The following HOOK1 variants were observed in gnomAD, a reference collection of about 807,000 sequenced individuals.
HOOK1 encodes protein Hook homolog 1.
HOOK1 carries 60 observed loss-of-function variants against 112.8 expected under a neutral mutation model. The ratio of observed to expected loss-of-function variants is 0.53; its 90% CI spans 0.43 to 0.66. The LOEUF is 0.66. Ranked by LOEUF, HOOK1 falls within the 30% of genes least tolerant of loss-of-function variation. HOOK1 has a pLI of 0.00. For synonymous variants in HOOK1, 294 were observed against 283.8 expected (o/e 1.04, Z -0.36); for missense variants, 770 against 856.0 (o/e 0.90, Z 1.25).
At chr1:59,838,476 C>CAATATT (rs2098399205) in intron 7 of HOOK1, among the ~76,000 whole-genome samples, 1 of 151,994 alleles carries the variant, frequency 6.6e-6, no homozygotes, top group Admixed American at 6.6e-5. Flanking sequence ...TATGTCCGTT[C>CAATATT]GCTGCATAAA....
At chr1:59,825,807 A>G (rs528211678) in intron 2 of HOOK1, among the ~76,000 whole-genome samples, 6 of 152,336 alleles carry the variant, frequency 3.9e-5, no homozygotes, top group African/African-American at 1.2e-4. Flanking sequence ...TCAGTTGTGT[A>G]TAAAGTATAG....
At chr1:59,845,131 G>C (rs1023172614) in intron 9 of HOOK1, among the ~76,000 whole-genome samples, 1 of 152,016 alleles carries the variant, frequency 6.6e-6, no homozygotes, top group South Asian at 2.1e-4. Context: ...TTCAGTGTCT[G>C]TTTGAGGGAT....
chr1:59,832,477 T>A (rs3768001), intron 4 of HOOK1, among the ~76,000 whole-genome samples: 7,268 of 152,202 alleles, frequency 0.048, 408 homozygotes, highest in African/African-American at 0.13. Context: ...TATATTTGAT[T>A]TTGTGCAATA....
chr1:59,852,746 G>A (rs1289042049), intron 12 of HOOK1, among the ~76,000 whole-genome samples: 1 of 150,226 alleles, frequency 6.7e-6, no homozygotes, highest in African/African-American at 2.4e-5. Flanking sequence ...TATTGATTTG[G>A]AATTTTTCTT....
intron 7 of HOOK1, among the ~76,000 whole-genome samples, chr1:59,837,730 T>C (rs2098398669): frequency 6.6e-6 from 1 of 152,184 alleles, no homozygotes; most frequent in African/African-American, 2.4e-5. Context: ...AGTTCTGGGT[T>C]ACATGTGCAG....
chr1:59,823,941 C>A (rs761071474), intron 2 of HOOK1, among the ~76,000 whole-genome samples: 15 of 152,214 alleles, frequency 9.9e-5, no homozygotes, highest in Non-Finnish European at 2.1e-4. Flanking sequence ...AAATATCTCT[C>A]TCTTTCTCTC....
intron 2 of HOOK1, among the ~76,000 whole-genome samples, chr1:59,828,172 T>C (rs2098391304): frequency 6.6e-6 from 1 of 152,204 alleles, no homozygotes; most frequent in South Asian, 2.1e-4. Flanking sequence ...TTCAAAACCT[T>C]ATTAAATACA....
intron 18 of HOOK1, 46 bp downstream of exon 18, chr1:59,865,291 A>C (rs775134625): frequency 1.3e-5 from 15 of 1,169,782 alleles, no homozygotes; most frequent in African/African-American, 3.0e-5. Flanking sequence ...ATATCTAAGG[A>C]CTTACCCTTT....
chr1:59,841,740 C>G (rs899668577), intron 8 of HOOK1, among the ~76,000 whole-genome samples: 4 of 152,054 alleles, frequency 2.6e-5, no homozygotes, highest in African/African-American at 9.7e-5. Flanking sequence ...TAGGTACAGT[C>G]TTCTGAGAAA....
intron 20 of HOOK1, 90 bp from the exon 21 acceptor site, chr1:59,870,952 T>C: frequency 1.2e-6 from 1 of 854,898 alleles, no homozygotes; most frequent in Non-Finnish European, 1.9e-6. Context: ...TTAGATTCTC[T>C]CAATAATGAA....
chr1:59,872,176 G>C (rs1644065257), intron 21 of HOOK1, among the ~76,000 whole-genome samples: 1 of 152,172 alleles, frequency 6.6e-6, no homozygotes. Context: ...ATGTGGTCTA[G>C]TGGGAGAGTA....
intron 1 of HOOK1, among the ~76,000 whole-genome samples, chr1:59,816,056 G>C (rs933233086): frequency 3.3e-5 from 5 of 152,126 alleles, no homozygotes; most frequent in African/African-American, 1.2e-4. Flanking sequence ...TGTTTGATGA[G>C]CCACAAGGTG....
rs373090098 is a variant in HOOK1 at position 59,862,800 on chromosome 1, A to G, written c.1549A>G (p.Ile517Val). Residue 517 changes from isoleucine (I) to valine (V), a missense_variant, in exon 16 of 22, where the codon ATT (isoleucine) becomes GTT (valine). This residue lies in a region of HOOK1 where 655 missense variants were observed against 725.9 expected (regional missense o/e 0.90). Transcript: ENST00000371208. ...TTACAATAGGCTGAGCAAAGAGCGT[A>G]TTAGAGAATTGCAGCAGCAGATTGA... ...ETEQRLSKER[I>V]RELQQQIEDL... The G allele has an allele frequency of 1.6e-5, 26 of 1,610,426 alleles. No homozygotes were observed. Among genetic ancestry groups the G allele is most frequent in the African/African-American group, 2.7e-5 (2 of 74,832 alleles).
At chr1:59,823,103 A>G (rs769511677) in intron 2 of HOOK1, among the ~76,000 whole-genome samples, 48 of 152,258 alleles carry the variant, frequency 3.2e-4, no homozygotes, top group Middle Eastern at 3.4e-3. Context: ...GGCGAATCAC[A>G]AGGTCAGCAG....
intron 9 of HOOK1, among the ~76,000 whole-genome samples, chr1:59,846,368 C>T (rs944926003): frequency 6.6e-6 from 1 of 151,610 alleles, no homozygotes; most frequent in African/African-American, 2.4e-5. Context: ...TCTTTTCAAA[C>T]ATCCTTTATT....
At chr1:59,863,644 G>A (rs1331994426) in intron 16 of HOOK1, among the ~76,000 whole-genome samples, 2 of 152,142 alleles carry the variant, frequency 1.3e-5, no homozygotes, top group Non-Finnish European at 2.9e-5. Flanking sequence ...ATATGTGTTA[G>A]GGATATCTTG....
In HOOK1 at chr1:59,874,760, T is replaced by TGTGA; in HGVS notation, c.*1798_*1801dup. On this transcript the variant is annotated 3_prime_UTR_variant, in exon 22 of 22. Coordinates refer to ENST00000371208, the MANE Select transcript of HOOK1 (RefSeq NM_015888.6). ...TCATAGACTTTCTTTGCAAATACAG[T>TGTGA]GTGAGTATTGTTCCATTTACAGTAT... 1 of 152,528 alleles carries TGTGA rather than the reference T, an allele frequency of 6.6e-6. No homozygotes were observed. The highest frequency in any genetic ancestry group is 1.5e-5 in the Non-Finnish European group (1 of 68,012). 9.4% of individuals were successfully genotyped at this position (152,528 alleles called of 1,614,324 possible).
At chr1:59,857,784 T>C (rs1212866196) in intron 12 of HOOK1, among the ~76,000 whole-genome samples, 2 of 152,194 alleles carry the variant, frequency 1.3e-5, no homozygotes, top group African/African-American at 4.8e-5. Context: ...ACCTAGAAGT[T>C]TGTCATTGGT....
In HOOK1 at chr1:59,815,023, T is replaced by C. The variant is rs2098380024; in HGVS notation, c.-95T>C. On this transcript the variant is annotated 5_prime_UTR_variant, in exon 1 of 22. Coordinates refer to ENST00000371208, the MANE Select transcript of HOOK1 (RefSeq NM_015888.6). Reference sequence around the variant, plus strand: ...GGTCGGGCCTGGTACCGAGCTTTCCTGGGGGCTAGCAGGTCGTGGACGCCG... The same window carrying C: ...GGTCGGGCCTGGTACCGAGCTTTCCCGGGGGCTAGCAGGTCGTGGACGCCG... The C allele has an allele frequency of 6.9e-6, 9 of 1,309,408 alleles. No individual in the cohort carries two copies. The highest frequency in any genetic ancestry group is 9.5e-6 in the Non-Finnish European group (9 of 942,946). 81.1% of individuals were successfully genotyped at this position (1,309,408 alleles called of 1,614,324 possible). A position where few individuals can be genotyped will look rare whatever the true frequency, so the allele number is the denominator to read the frequency against.
Sources: allele counts gnomAD v4.1 joint callset (sites outside exome capture counted in the v4.1 genomes callset), GRCh38; gene constraint gnomAD v4.1.1; regional missense constraint gnomAD v4.1.1; transcripts MANE v1.5; gene names NCBI Gene and HGNC (gene_info 2026-07-23, HGNC 2026-07-21).